Variants in ASXL1 observed in about 807,000 individuals in gnomAD.
ASXL1 encodes ASXL transcriptional regulator 1.
A neutral mutation model predicts 89.1 loss-of-function variants in ASXL1; 65 were observed. The ratio of observed to expected loss-of-function variants is 0.73; its 90% confidence interval spans 0.60 to 0.90. The LOEUF (loss-of-function observed/expected upper bound fraction) is 0.90, where lower values mean the gene tolerates loss of function less well. Ranked by LOEUF, ASXL1 falls within the 40% of genes least tolerant of loss-of-function variation. The probability of loss-of-function intolerance (pLI) is 0.00; values close to 1 mark genes in which losing one functional copy is unlikely to be tolerated. For synonymous variants in ASXL1, 739 were observed against 746.9 expected, an observed-to-expected ratio of 0.99 and a Z score of 0.17; for missense variants, 1,786 against 1,942.9, an observed-to-expected ratio of 0.92 and a Z score of 1.52.
At chr20:32,381,190 A>G (rs1278736100) in intron 4 of ASXL1, among the ~76,000 whole-genome samples, 2 of 152,224 alleles carry the variant, frequency 1.3e-5, no homozygotes, top group African/African-American at 2.4e-5. Context: ...TAGTAGAAGT[A>G]GTAGAAGAGA....
rs920880919 is a variant in ASXL1, at chr20:32,434,207, C to A, written c.1720-225C>A. ...TGCTATAGTGACTCACACAGTCCCA[C>A]CAGAAATTAAATTTAGAAGTGTGGC... On this transcript the variant is annotated intron_variant, in intron 12 of 12. Transcript: ENST00000375687. The A allele has an allele frequency of 1.8e-5, 13 of 705,202 alleles. No homozygotes were observed. The South Asian group carries it at 2.5e-4, about 13-fold the overall frequency. 43.7% of individuals were successfully genotyped at this position (705,202 alleles called of 1,614,324 possible). A position where few individuals can be genotyped will look rare whatever the true frequency, so the allele number is the denominator to read the frequency against.
chr20:32,373,056 C>G (rs947179065), intron 4 of ASXL1, among the ~76,000 whole-genome samples: 1 of 149,598 alleles, frequency 6.7e-6, no homozygotes, highest in African/African-American at 2.5e-5. Flanking sequence ...GGTTTACATG[C>G]ATGAGCCACC....
chr20:32,398,603 G>GTTTTTTTTTTTTTTTTT (rs375341392), intron 4 of ASXL1, among the ~76,000 whole-genome samples: 2 of 126,454 alleles, frequency 1.6e-5, no homozygotes, highest in East Asian at 2.3e-4. Flanking sequence ...TTTTTTGTTT[G>GTTTTTTTTTTTTTTTTT]TTTTTTTTTT....
At chr20:32,359,052 G>T (rs935710801) in intron 1 of ASXL1, 41 of 604,884 alleles carry the variant, frequency 6.8e-5, no homozygotes, top group Non-Finnish European at 1.1e-4. Flanking sequence ...CGCCCCCCCC[G>T]CCCCGCGCAG....
intron 4 of ASXL1, among the ~76,000 whole-genome samples, chr20:32,399,750 T>A (rs1407372775): frequency 6.7e-5 from 3 of 44,918 alleles, no homozygotes. Flanking sequence ...TTTTACTCTT[T>A]TTTTTTTTTT....
In ASXL1 at chr20:32,372,401, T is replaced by C. The variant is rs1600481105; in HGVS notation, c.252+3278T>C. On this transcript the variant is annotated intron_variant, in intron 4 of 12. Transcript: ENST00000375687. Reference sequence around the variant, plus strand: ...ACATCCATAGGCATCACTTCTCTGATATTCGTTGTGCTCTTTTAATGGATT... The same window carrying C: ...ACATCCATAGGCATCACTTCTCTGACATTCGTTGTGCTCTTTTAATGGATT... The C allele has an allele frequency of 8.9e-6, 10 of 1,119,312 alleles. No homozygotes were observed. The South Asian group carries it at 1.5e-4, about 17-fold the overall frequency. The allele number at this position is 1,119,312 out of a possible 1,614,324, so 69.3% of individuals were successfully genotyped here.
intron 4 of ASXL1, among the ~76,000 whole-genome samples, chr20:32,380,265 A>G (rs2048464965): frequency 6.6e-6 from 1 of 152,118 alleles, no homozygotes; most frequent in Admixed American, 6.6e-5. Flanking sequence ...GGGCGACAAG[A>G]AGGAGACTCC....
rs2048387623 is a variant in ASXL1 at position 32,376,832 on chromosome 20, T to C, written c.252+7709T>C. On this transcript the variant is annotated intron_variant, in intron 4 of 12. Transcript: ENST00000375687. The stretch of plus-strand genomic sequence containing the variant: ...AATGTATTTTATATATTATATATTA[T>C]ATAAATATCATGATAGATATATAAT... 2.3e-5 allele frequency among the ~76,000 whole-genome samples: 3 copies of C among 130,172 alleles called. No homozygotes were observed. The South Asian group carries it at 7.3e-4, about 32-fold the overall frequency. 85.4% of individuals were successfully genotyped at this position (130,172 alleles called of 152,430 possible).
At chr20:32,379,207 C>T in intron 4 of ASXL1, among the ~76,000 whole-genome samples, 1 of 101,094 alleles carries the variant, frequency 9.9e-6, no homozygotes, top group Admixed American at 1.1e-4. Context: ...TTTTTTGAGA[C>T]AGAGTCTCCT....
At chr20:32,370,898 C>T (rs186749223) in intron 4 of ASXL1, among the ~76,000 whole-genome samples, 114 of 150,300 alleles carry the variant, frequency 7.6e-4, no homozygotes, top group Middle Eastern at 3.4e-3. Flanking sequence ...TGCCTGTAAT[C>T]CCAGCACTTT....
intron 4 of ASXL1, among the ~76,000 whole-genome samples, chr20:32,421,184 AT>A (rs1462396343): frequency 1.3e-5 from 2 of 151,800 alleles, no homozygotes; most frequent in Non-Finnish European, 2.9e-5. Flanking sequence ...ATGTATGCTT[AT>A]GTAACAAACC....
At chr20:32,375,881 C>T (rs2048370177) in intron 4 of ASXL1, among the ~76,000 whole-genome samples, 1 of 151,976 alleles carries the variant, frequency 6.6e-6, no homozygotes. Context: ...GGGGTTTTGT[C>T]ATGTTGCCCA....
chr20:32,431,454 C>G lies in ASXL1; in HGVS notation c.852C>G (p.Leu284=), dbSNP rs2011510591. 1.2e-6 allele frequency: 2 copies of G among 1,614,106 alleles called. No individual in the cohort carries two copies. Among genetic ancestry groups the G allele is most frequent in the Admixed American group, 1.7e-5 (1 of 60,004 alleles). ...TACCATCACACTTCCAGCAGCAGCT[C>G]CTCTTCCTCCTGCCTGAAGTAGACA... ...HALPSHFQQQ[L]LFLLPEVDRQ... is the part of the protein sequence containing the mutation. Residue 284 remains leucine, a synonymous_variant, in exon 9 of 13, where the codon CTC becomes CTG. Transcript: ENST00000375687.
At chr20:32,398,703 G>A (rs1165662651) in intron 4 of ASXL1, among the ~76,000 whole-genome samples, 47 of 147,498 alleles carry the variant, frequency 3.2e-4, no homozygotes, top group African/African-American at 9.2e-4. Context: ...TCCACCTGCC[G>A]GGTTCACGCC....
intron 4 of ASXL1, among the ~76,000 whole-genome samples, chr20:32,410,648 C>T (rs1278284457): frequency 6.6e-6 from 1 of 152,192 alleles, no homozygotes; most frequent in African/African-American, 2.4e-5. Flanking sequence ...AGGGCACTTA[C>T]TGTACTTTGA....
At chr20:32,371,338 T>G (rs2048297605) in intron 4 of ASXL1, among the ~76,000 whole-genome samples, 1 of 152,158 alleles carries the variant, frequency 6.6e-6, no homozygotes, top group Admixed American at 6.5e-5. Flanking sequence ...TGGGCTGGAG[T>G]GCAGTATCAT....
intron 10 of ASXL1, 150 bp downstream of exon 10, chr20:32,431,829 A>AT (rs2011524612): frequency 1.2e-6 from 1 of 836,076 alleles, no homozygotes; most frequent in East Asian, 2.7e-5. Context: ...TGTGGTGGGT[A>AT]TTAATATGCC....
At position 32,435,741 on chromosome 20, in the gene ASXL1, C is replaced by T. The variant is rs116112525; in HGVS notation, c.3029C>T (p.Thr1010Met). 2.4e-4 allele frequency: 385 copies of T among 1,614,140 alleles called. 1 individual carries two copies. In the African/African-American group the frequency reaches 4.3e-3, roughly 18 times the overall value. Residue 1010 changes from threonine to methionine, a missense_variant, in exon 13 of 13, where the codon ACG becomes ATG. This residue lies in a region of ASXL1 where 1,418 missense variants were observed against 1,427.8 expected (regional missense o/e 0.99). Coordinates refer to ENST00000375687, the MANE Select transcript of ASXL1 (RefSeq NM_015338.6). ...DTASDFEGHL[T>M]EDSSEADTRE... ...GCCTCTGACTTTGAAGGTCACCTCA[C>T]GGAGGACAGCAGTGAGGCTGACACT...
intron 4 of ASXL1, among the ~76,000 whole-genome samples, chr20:32,396,285 C>A (rs552705479): frequency 1.3e-5 from 2 of 152,064 alleles, no homozygotes; most frequent in South Asian, 4.1e-4. Context: ...CTAATAAATT[C>A]TGTTTAGATG....
Sources: allele counts gnomAD v4.1 joint callset (sites outside exome capture counted in the v4.1 genomes callset), GRCh38; gene constraint gnomAD v4.1.1; regional missense constraint gnomAD v4.1.1; transcripts MANE v1.5; gene names NCBI Gene and HGNC (gene_info 2026-07-23, HGNC 2026-07-21).